Variants in HS3ST4 observed in about 807,000 individuals in gnomAD.
HS3ST4 encodes heparan sulfate glucosamine 3-O-sulfotransferase 4.
In HS3ST4, 17 loss-of-function variants were observed where a neutral mutation model predicts 29.2. That is an observed-to-expected ratio of 0.58 (90% CI 0.40 to 0.87). The LOEUF (loss-of-function observed/expected upper bound fraction) is 0.87. Ranked by LOEUF, HS3ST4 falls within the 40% of genes least tolerant of loss-of-function variation. The pLI is 0.00. For synonymous variants in HS3ST4, 314 were observed against 285.7 expected (o/e 1.10, Z -1.00); for missense variants, 627 against 634.5 (o/e 0.99, Z 0.13).
chr16:25,909,526 G>C (rs1386012188), intron 1 of HS3ST4, among the ~76,000 whole-genome samples: 1 of 152,132 alleles, frequency 6.6e-6, no homozygotes, highest in African/African-American at 2.4e-5. Context: ...GACCAACTTC[G>C]AGAAGTGAGG....
chr16:26,120,063 G>GTGTGTA (rs1899252704), intron 1 of HS3ST4, among the ~76,000 whole-genome samples: 1 of 130,418 alleles, frequency 7.7e-6, no homozygotes, highest in African/African-American at 2.8e-5. Flanking sequence ...GTGTGTGTGT[G>GTGTGTA]TGTGTGTATG....
intron 1 of HS3ST4, among the ~76,000 whole-genome samples, chr16:25,971,103 G>C (rs1021509319): frequency 6.6e-6 from 1 of 151,958 alleles, no homozygotes; most frequent in Non-Finnish European, 1.5e-5. Flanking sequence ...TGCCCACCTC[G>C]GTCTCCCAGA....
intron 1 of HS3ST4, among the ~76,000 whole-genome samples, chr16:25,955,443 C>G (rs935249808): frequency 6.6e-6 from 1 of 152,142 alleles, no homozygotes; most frequent in Non-Finnish European, 1.5e-5. Context: ...CAGTTGGTCT[C>G]CTGGAAACCC....
intron 1 of HS3ST4, among the ~76,000 whole-genome samples, chr16:25,808,111 C>A (rs1366945407): frequency 1.3e-5 from 2 of 152,154 alleles, no homozygotes; most frequent in African/African-American, 4.8e-5. Context: ...ATCTCTCACA[C>A]AGCAAAAGTT....
intron 1 of HS3ST4, among the ~76,000 whole-genome samples, chr16:25,747,707 T>G (rs7203781): frequency 0.52 from 78,754 of 152,050 alleles, 20,891 homozygotes; most frequent in Non-Finnish European, 0.57. Context: ...TTTCTAGCGA[T>G]CACTAGCAGA....
intron 1 of HS3ST4, among the ~76,000 whole-genome samples, chr16:25,896,580 A>G (rs1332255614): frequency 6.6e-6 from 1 of 152,170 alleles, no homozygotes; most frequent in African/African-American, 2.4e-5. Context: ...CACTGTGGAG[A>G]GGGGAGATTT....
chr16:25,856,187 G>C (rs191069566), intron 1 of HS3ST4, among the ~76,000 whole-genome samples: 1 of 151,936 alleles, frequency 6.6e-6, no homozygotes, highest in Non-Finnish European at 1.5e-5. Context: ...ATAAATATTT[G>C]GTCTGTGTTT....
intron 1 of HS3ST4, among the ~76,000 whole-genome samples, chr16:25,715,897 A>G (rs1348309246): frequency 6.6e-6 from 1 of 152,192 alleles, no homozygotes; most frequent in Admixed American, 6.5e-5. Context: ...CCTTGTATAT[A>G]TCCAGAGAGC....
chr16:26,009,180 A>G (rs1162387444), intron 1 of HS3ST4, among the ~76,000 whole-genome samples: 7 of 152,218 alleles, frequency 4.6e-5, no homozygotes, highest in Admixed American at 4.6e-4. Context: ...GGAATTCCTC[A>G]GGGAAGTCTT....
At chr16:25,876,294 A>T (rs2141662033) in intron 1 of HS3ST4, among the ~76,000 whole-genome samples, 1 of 152,294 alleles carries the variant, frequency 6.6e-6, no homozygotes, top group African/African-American at 2.4e-5. Flanking sequence ...TAAGCAAAAT[A>T]AAATATAACT....
chr16:25,804,146 T>A (rs767702072), intron 1 of HS3ST4, among the ~76,000 whole-genome samples: 1 of 152,164 alleles, frequency 6.6e-6, no homozygotes. Flanking sequence ...GACGTGAGAA[T>A]TCGATGTGAT....
intron 1 of HS3ST4, chr16:25,826,111 CTTG>C (rs1020633784): frequency 4.6e-5 from 7 of 152,172 alleles, no homozygotes; most frequent in African/African-American, 1.7e-4. Flanking sequence ...CTCCAGATGG[CTTG>C]TTTTTTCCTA....
intron 1 of HS3ST4, among the ~76,000 whole-genome samples, chr16:25,706,912 C>G (rs887300710): frequency 1.3e-5 from 2 of 152,212 alleles, no homozygotes; most frequent in Admixed American, 1.3e-4. Flanking sequence ...TAACTGTGCT[C>G]TGAAAATATT....
chr16:26,059,360 G>C (rs1898448743), intron 1 of HS3ST4, among the ~76,000 whole-genome samples: 1 of 151,762 alleles, frequency 6.6e-6, no homozygotes, highest in African/African-American at 2.4e-5. Context: ...CACAGAGTGT[G>C]ATATGTGATT....
At chr16:25,793,291 TAA>T (rs1567241018) in intron 1 of HS3ST4, among the ~76,000 whole-genome samples, 1 of 151,986 alleles carries the variant, frequency 6.6e-6, no homozygotes, top group Non-Finnish European at 1.5e-5. Flanking sequence ...TTCAATTAGA[TAA>T]ACATCGTTAA....
chr16:25,714,060 T>C (rs1167958292), intron 1 of HS3ST4, among the ~76,000 whole-genome samples: 2 of 152,114 alleles, frequency 1.3e-5, no homozygotes, highest in Non-Finnish European at 2.9e-5. Flanking sequence ...TCGGGGAATT[T>C]TGCAGATCTC....
intron 1 of HS3ST4, among the ~76,000 whole-genome samples, chr16:25,723,432 A>G (rs888517729): frequency 2.6e-5 from 4 of 152,208 alleles, no homozygotes; most frequent in Admixed American, 6.5e-5. Flanking sequence ...TTTATCTAAC[A>G]TTGGATGGTT....
intron 1 of HS3ST4, among the ~76,000 whole-genome samples, chr16:25,797,097 A>G (rs1283928149): frequency 6.6e-6 from 1 of 152,170 alleles, no homozygotes; most frequent in Non-Finnish European, 1.5e-5. Flanking sequence ...CATTCTATAA[A>G]CGAAGTAACT....
rs1313318526 is a variant in HS3ST4, at chr16:25,938,087, GC to G, written c.735-197524del. On this transcript the variant is annotated intron_variant, in intron 1 of 1. Coordinates refer to ENST00000331351, the MANE Select transcript of HS3ST4 (RefSeq NM_006040.3). The stretch of plus-strand genomic sequence containing the variant: ...GTGCTTCTGAATTCAGATTCTACTA[GC>G]AGGTGTTGAAATATACCAAACCTGA... 1.1e-4 allele frequency among the ~76,000 whole-genome samples: 17 copies of G among 152,256 alleles called. No homozygotes were observed. In the South Asian group the frequency reaches 3.1e-3, roughly 28 times the overall value.
Sources: gnomAD v4.1 joint callset for allele counts (sites outside exome capture counted in the v4.1 genomes callset) on GRCh38, gnomAD v4.1.1 for gene constraint, MANE v1.5 for transcripts, NCBI Gene and HGNC (gene_info 2026-07-23, HGNC 2026-07-21) for gene names.